The following PDE11A variants were observed in gnomAD, a reference collection of about 807,000 sequenced individuals.
PDE11A encodes phosphodiesterase 11A.
In PDE11A, 100 loss-of-function variants were observed where a neutral mutation model predicts 100.5. That is an observed-to-expected ratio of 1.00 (90% CI 0.85 to 1.18). The LOEUF (loss-of-function observed/expected upper bound fraction) is 1.18. Among genes scored for constraint, PDE11A ranks in the 50% most tolerant of loss-of-function variants. The pLI, the probability that PDE11A is intolerant of heterozygous loss-of-function variation, is 0.00. For missense variants in PDE11A, 1,141 were observed against 1,152.6 expected (o/e 0.99, Z 0.15); for synonymous variants, 381 against 420.8 (o/e 0.91, Z 1.16).
chr2:178,014,167 T>C (rs1006762788), intron 2 of PDE11A, 135 bp downstream of exon 2: 4 of 676,674 alleles, frequency 5.9e-6, no homozygotes, highest in East Asian at 5.2e-5. Context: ...TCATTTTGTA[T>C]ACCATGAGAA....
rs748839068 is a variant in PDE11A at position 177,957,910 on chromosome 2, C to CTTTTTTTTTTTTTTT, written c.1072-52724_1072-52723insAAAAAAAAAAAAAAA. On this transcript the variant is annotated intron_variant, in intron 2 of 19. Coordinates refer to ENST00000286063, the MANE Select transcript of PDE11A (RefSeq NM_016953.4). The stretch of plus-strand genomic sequence containing the variant: ...TCCTTTACCTTTGTTTTTCCAATGC[C>CTTTTTTTTTTTTTTT]TTTTTTTTGAGACGGAGTCTCTTGC... Among the ~76,000 whole-genome samples the CTTTTTTTTTTTTTTT allele has an allele frequency of 8.4e-4, 96 of 114,456 alleles. 15 individuals are homozygous for CTTTTTTTTTTTTTTT. Among genetic ancestry groups the CTTTTTTTTTTTTTTT allele is most frequent in the African/African-American group, 3.0e-3 (75 of 24,680 alleles). 75.1% of individuals were successfully genotyped at this position (114,456 alleles called of 152,430 possible). A position where few individuals can be genotyped will look rare whatever the true frequency, so the allele number is the denominator to read the frequency against.
At position 177,789,084 on chromosome 2, in the gene PDE11A, C is replaced by A. The variant is rs1225614293; in HGVS notation, c.1738-19711G>T. On this transcript the variant is annotated intron_variant, in intron 9 of 19. Transcript: ENST00000286063. ...TACCAAAGCCGGGCAGAGACACAAC[C>A]AAAAAGAGAATTTTAGACCAATATG... is the stretch of plus-strand genomic sequence containing the variant. Among the ~76,000 whole-genome samples the A allele has an allele frequency of 3.9e-5, 6 of 152,042 alleles. No homozygotes were observed. In the East Asian group the frequency reaches 1.2e-3, roughly 29 times the overall value.
intron 4 of PDE11A, among the ~76,000 whole-genome samples, chr2:177,895,259 A>T (rs1449448585): frequency 5.9e-5 from 9 of 152,180 alleles, no homozygotes; most frequent in Non-Finnish European, 1.3e-4. Flanking sequence ...CCATTTAAAA[A>T]ATGCTATTCT....
chr2:177,969,447 T>A (rs963867053), intron 2 of PDE11A, among the ~76,000 whole-genome samples: 2 of 151,964 alleles, frequency 1.3e-5, no homozygotes, highest in African/African-American at 4.8e-5. Context: ...AAAAAAAAAC[T>A]CTCCAGTGTT....
intron 13 of PDE11A, chr2:177,702,396 A>G (rs1166015234): frequency 6.6e-6 from 1 of 152,156 alleles, no homozygotes; most frequent in African/African-American, 2.4e-5. Flanking sequence ...GAATCAAGAG[A>G]CATCCCAGAG....
At chr2:177,704,059 T>C (rs776421830) in intron 13 of PDE11A, among the ~76,000 whole-genome samples, 59 of 152,336 alleles carry the variant, frequency 3.9e-4, no homozygotes, top group Non-Finnish European at 6.9e-4. Context: ...ATTTTGCCAC[T>C]GAACCAGACT....
At chr2:177,900,872 T>C (rs1189538686) in intron 3 of PDE11A, among the ~76,000 whole-genome samples, 2 of 152,238 alleles carry the variant, frequency 1.3e-5, no homozygotes, top group Admixed American at 6.5e-5. Context: ...GGTAGGGTTA[T>C]TGAAACCACC....
At chr2:177,704,413 A>G (rs967814243) in intron 13 of PDE11A, among the ~76,000 whole-genome samples, 2 of 151,788 alleles carry the variant, frequency 1.3e-5, no homozygotes, top group African/African-American at 4.9e-5. Context: ...TATTTACACT[A>G]TTAGATTTGG....
At chr2:177,853,678 ATATG>A (rs1453768911) in intron 5 of PDE11A, among the ~76,000 whole-genome samples, 9 of 33,864 alleles carry the variant, frequency 2.7e-4, no homozygotes, top group African/African-American at 6.0e-4. Flanking sequence ...ATATATATAT[ATATG>A]TGTGTGTGTG....
intron 9 of PDE11A, among the ~76,000 whole-genome samples, chr2:177,791,816 T>C (rs887987923): frequency 6.6e-5 from 10 of 152,200 alleles, no homozygotes; most frequent in Admixed American, 6.5e-4. Flanking sequence ...ATAATTATGT[T>C]AAGGAAAATG....
rs1326924718 is a variant in PDE11A at position 177,909,815 on chromosome 2, A to G, written c.1072-4628T>C. On this transcript the variant is annotated intron_variant, in intron 2 of 19. Transcript: ENST00000286063. ...AGTTTTGTATGAATATGTTTATTTT[A>G]TAATCAATCTTAAAAGGTAAGGTAG... Among the ~76,000 whole-genome samples, 6 of 151,848 alleles carry G rather than the reference A, an allele frequency of 4.0e-5. No individual in the cohort carries two copies. The East Asian group carries it at 1.2e-3, about 29-fold the overall frequency.
At chr2:177,998,381 T>A in intron 2 of PDE11A, 1 of 839,254 alleles carries the variant, frequency 1.2e-6, no homozygotes, top group Admixed American at 1.7e-5. Flanking sequence ...CTAAAGTCCC[T>A]TTTCCATCCA....
At position 177,697,425 on chromosome 2, in the gene PDE11A, T is replaced by C. The variant is rs767826171; in HGVS notation, c.2252A>G (p.Asn751Ser). 7 of 1,526,640 alleles carry C rather than the reference T, an allele frequency of 4.6e-6. No homozygotes were observed. Among genetic ancestry groups the C allele is most frequent in the Admixed American group, 1.7e-5 (1 of 59,876 alleles). The allele number at this position is 1,526,640 out of a possible 1,614,324, so 94.6% of individuals were successfully genotyped here. A position where few individuals can be genotyped will look rare whatever the true frequency, so the allele number is the denominator to read the frequency against. Residue 751 changes from asparagine (N) to serine (S), a missense_variant, in exon 15 of 20, where the codon AAT becomes AGT. By Grantham distance (46) the Asn-to-Ser change is conservative. Coordinates refer to ENST00000286063, the MANE Select transcript of PDE11A (RefSeq NM_016953.4). Reference protein sequence around the residue: ...AVMILQSEGHNIFANLSSKEY... With the variant: ...AVMILQSEGHSIFANLSSKEY... ...CTTGGAGGACAGGTTAGCAAAGATA[T>C]TGTGACCCTGTAATGAGAAAGTAAA...
intron 15 of PDE11A, among the ~76,000 whole-genome samples, chr2:177,690,923 A>G (rs1014210252): frequency 6.6e-5 from 10 of 152,206 alleles, no homozygotes; most frequent in Admixed American, 5.2e-4. Context: ...AGTTTTCCCT[A>G]TTTATCAGAT....
intron 2 of PDE11A, among the ~76,000 whole-genome samples, chr2:177,951,396 C>G (rs2085503701): frequency 6.6e-6 from 1 of 152,092 alleles, no homozygotes; most frequent in Admixed American, 6.6e-5. Flanking sequence ...CATAACTTAT[C>G]AATGGAATTC....
At chr2:177,890,992 A>G (rs1042324667) in intron 4 of PDE11A, among the ~76,000 whole-genome samples, 8 of 152,168 alleles carry the variant, frequency 5.3e-5, no homozygotes, top group African/African-American at 1.9e-4. Context: ...ACTACATAGA[A>G]TTTCATTAAA....
intron 2 of PDE11A, among the ~76,000 whole-genome samples, chr2:177,930,240 T>G (rs1342417094): frequency 6.6e-6 from 1 of 152,230 alleles, no homozygotes; most frequent in Non-Finnish European, 1.5e-5. Context: ...GAGGCTGTTT[T>G]ACTTTTAAAC....
At position 177,920,837 on chromosome 2, in the gene PDE11A, C is replaced by T. The variant is rs367756407; in HGVS notation, c.1072-15650G>A. On this transcript the variant is annotated intron_variant, in intron 2 of 19. Coordinates refer to ENST00000286063, the MANE Select transcript of PDE11A (RefSeq NM_016953.4). ...CAGAACTTTGGGAGGCCAAGACAGG[C>T]GAAGCACGAGGTCAGGAGATCCAGA... Among the ~76,000 whole-genome samples the T allele has an allele frequency of 8.5e-5, 13 of 152,174 alleles. No homozygotes were observed. The Middle Eastern group carries it at 0.01, about 119-fold the overall frequency.
chr2:177,765,257 T>C (rs1200232730), intron 10 of PDE11A, among the ~76,000 whole-genome samples: 2 of 152,196 alleles, frequency 1.3e-5, no homozygotes, highest in Admixed American at 6.5e-5. Flanking sequence ...AAAGACCAGA[T>C]ATGAGGAAGG....
Sources: allele counts gnomAD v4.1 joint callset (sites outside exome capture counted in the v4.1 genomes callset), GRCh38; gene constraint gnomAD v4.1.1; transcripts MANE v1.5; gene names NCBI Gene and HGNC (gene_info 2026-07-23, HGNC 2026-07-21).